Variants in ENKUR observed in about 807,000 individuals in gnomAD.
The protein encoded by ENKUR is enkurin.
A neutral mutation model predicts 27.6 loss-of-function variants in ENKUR; 19 were observed. That is an observed-to-expected ratio of 0.69 (90% CI 0.48 to 1.01). ENKUR has a LOEUF of 1.01. Ranked by LOEUF, ENKUR falls within the 50% of genes least tolerant of loss-of-function variation. The pLI is 0.00. For missense variants in ENKUR, 312 were observed against 310.5 expected (o/e 1.00, Z -0.04); for synonymous variants, 117 against 96.9 (o/e 1.21, Z -1.22).
intron 3 of ENKUR, among the ~76,000 whole-genome samples, chr10:24,993,397 T>C (rs1268172530): frequency 2.0e-5 from 3 of 152,254 alleles, no homozygotes. Context: ...TCCAATGGAT[T>C]GTTGGAAATC....
intron 2 of ENKUR, among the ~76,000 whole-genome samples, chr10:25,060,709 G>C (rs980320457): frequency 6.6e-6 from 1 of 151,910 alleles, no homozygotes; most frequent in Non-Finnish European, 1.5e-5. Context: ...TAAAACCCAC[G>C]TGTTTTTGTT....
In ENKUR at chr10:24,999,304, A is replaced by G. The variant is rs183421174; in HGVS notation, c.223+97T>C. On this transcript the variant is annotated intron_variant, in intron 2 of 5. Coordinates refer to ENST00000331161, the MANE Select transcript of ENKUR (RefSeq NM_145010.4). ...CTGTTTAATATGAGGTAAAGCTGCT[A>G]TCACCTGTGCATGTTTAATATTCAT... 22 of 1,202,704 alleles carry G rather than the reference A, an allele frequency of 1.8e-5. No individual in the cohort carries two copies. In the Admixed American group the frequency reaches 5.4e-4, roughly 30 times the overall value. 74.5% of individuals were successfully genotyped at this position (1,202,704 alleles called of 1,614,324 possible).
chr10:25,046,830 T>C (rs549276758), intron 2 of ENKUR, among the ~76,000 whole-genome samples: 2 of 152,332 alleles, frequency 1.3e-5, no homozygotes, highest in South Asian at 4.1e-4. Flanking sequence ...GTTTATTTAC[T>C]AAAGCACCAC....
chr10:25,024,842 T>G, intron 2 of ENKUR: 1 of 1,614,140 alleles, frequency 6.2e-7, no homozygotes, highest in Non-Finnish European at 8.5e-7. Flanking sequence ...AACCATGTTT[T>G]GACTGATTTT....
At chr10:25,011,668 C>A (rs919987274) in intron 1 of ENKUR, among the ~76,000 whole-genome samples, 1 of 152,148 alleles carries the variant, frequency 6.6e-6, no homozygotes. Flanking sequence ...AGGATATAGG[C>A]ATGGGCAAGG....
intron 2 of ENKUR, among the ~76,000 whole-genome samples, chr10:25,041,636 G>A (rs1235237305): frequency 6.6e-6 from 1 of 151,780 alleles, no homozygotes; most frequent in Non-Finnish European, 1.5e-5. Context: ...AGATAATTTT[G>A]ATGGATCTAT....
At chr10:24,999,682 CT>C in intron 1 of ENKUR, 136 bp from the exon 2 acceptor site, 1 of 803,164 alleles carries the variant, frequency 1.2e-6, no homozygotes, top group Non-Finnish European at 1.9e-6. Flanking sequence ...ATAAAACATA[CT>C]TACCTGAGCC....
At chr10:24,999,301 G>A in intron 2 of ENKUR, 100 bp downstream of exon 2, 1 of 1,163,412 alleles carries the variant, frequency 8.6e-7, no homozygotes, top group Non-Finnish European at 1.2e-6. Flanking sequence ...AGGTAAAGCT[G>A]CTATCACCTG....
upstream of ENKUR, among the ~76,000 whole-genome samples, chr10:25,020,276 A>ATATCTATATTTATATCTATATC (rs58705370): frequency 6.7e-6 from 1 of 149,428 alleles, no homozygotes; most frequent in East Asian, 2.0e-4. Context: ...ATCTATATCT[A>ATATCTATATTTATATCTATATC]TATATATCTA....
At chr10:24,984,572 G>A in intron 5 of ENKUR, 164 bp downstream of exon 5, 19 of 1,007,234 alleles carry the variant, frequency 1.9e-5, no homozygotes, top group Non-Finnish European at 2.5e-5. Context: ...TCTTGTGTAA[G>A]TGAATAACTC....
At chr10:25,030,294 T>C (rs1281424260) in intron 2 of ENKUR, among the ~76,000 whole-genome samples, 1 of 152,244 alleles carries the variant, frequency 6.6e-6, no homozygotes, top group African/African-American at 2.4e-5. Context: ...CGTGTGCTTT[T>C]AATTATTTGA....
At chr10:25,018,626 T>A (rs1850656577), upstream of ENKUR, among the ~76,000 whole-genome samples, 1 of 151,694 alleles carries the variant, frequency 6.6e-6, no homozygotes, top group South Asian at 2.1e-4. Context: ...TATATAATGG[T>A]ATGCCTGTGA....
chr10:25,001,588 T>C (rs1007070812), intron 1 of ENKUR, among the ~76,000 whole-genome samples: 1 of 152,148 alleles, frequency 6.6e-6, no homozygotes, highest in Admixed American at 6.5e-5. Flanking sequence ...CATTTTGCAT[T>C]GTTCTATTAC....
At chr10:24,997,301 C>T (rs1045118096) in intron 2 of ENKUR, among the ~76,000 whole-genome samples, 5 of 152,010 alleles carry the variant, frequency 3.3e-5, no homozygotes, top group Non-Finnish European at 7.4e-5. Flanking sequence ...TGATGTTGGA[C>T]TCCTAGTTCT....
chr10:25,043,370 T>C (rs1045663932), intron 2 of ENKUR, among the ~76,000 whole-genome samples: 2 of 152,188 alleles, frequency 1.3e-5, no homozygotes, highest in African/African-American at 4.8e-5. Flanking sequence ...TGAAAGCTTT[T>C]TATGTTCTAA....
chr10:25,027,732 TTAGCTGGATATGGTGGTGC>T (rs2132771000), intron 2 of ENKUR, among the ~76,000 whole-genome samples: 1 of 150,754 alleles, frequency 6.6e-6, no homozygotes, highest in African/African-American at 2.4e-5. Flanking sequence ...ATACAAAAAA[TTAGCTGGATATGGTGGTGC>T]ACACCTGTAG....
chr10:25,050,526 C>T (rs551981019), intron 2 of ENKUR, among the ~76,000 whole-genome samples: 2 of 152,228 alleles, frequency 1.3e-5, no homozygotes, highest in East Asian at 1.9e-4. Flanking sequence ...ACCACGAGAA[C>T]AGCATGAGAA....
intron 4 of ENKUR, 73 bp from the exon 5 acceptor site, chr10:24,984,978 G>T (rs1379591598): frequency 7.7e-6 from 9 of 1,162,422 alleles, no homozygotes; most frequent in Middle Eastern, 3.9e-4. Flanking sequence ...AAGCTAATTG[G>T]TAATGAAAAA....
intron 2 of ENKUR, among the ~76,000 whole-genome samples, chr10:25,059,964 G>A (rs569299433): frequency 1.3e-5 from 2 of 152,332 alleles, no homozygotes; most frequent in East Asian, 1.9e-4. Context: ...GGGCAGCCTT[G>A]TGTGCGTTCT....
Sources: gnomAD v4.1 joint callset for allele counts (sites outside exome capture counted in the v4.1 genomes callset) on GRCh38, gnomAD v4.1.1 for gene constraint, MANE v1.5 for transcripts, NCBI Gene and HGNC (gene_info 2026-07-23, HGNC 2026-07-21) for gene names.